The following EGFR variants were observed in gnomAD, a reference collection of about 807,000 sequenced individuals.
EGFR encodes the protein epidermal growth factor receptor.
A neutral mutation model predicts 143.0 loss-of-function variants in EGFR; 58 were observed. The observed-to-expected ratio is 0.41, with a 90% CI of 0.33 to 0.50. EGFR has a LOEUF of 0.50. Among genes scored for constraint, EGFR ranks in the 20% least tolerant of loss-of-function variants. The pLI is 0.39. For synonymous variants in EGFR, 613 were observed against 594.4 expected (o/e 1.03, Z -0.45); for missense variants, 1,307 against 1,579.0 (o/e 0.83, Z 2.92).
chr7:55,048,537 A>C (rs923904283), intron 1 of EGFR, among the ~76,000 whole-genome samples: 16 of 152,360 alleles, frequency 1.1e-4, no homozygotes, highest in African/African-American at 3.8e-4. Flanking sequence ...AGACTTTCAC[A>C]GTAGCCAATT....
intron 1 of EGFR, among the ~76,000 whole-genome samples, chr7:55,083,874 T>G (rs1202243351): frequency 1.3e-5 from 2 of 152,298 alleles, no homozygotes; most frequent in South Asian, 4.1e-4. Context: ...TTTAAATGAG[T>G]GCCTCAGGTT....
intron 1 of EGFR, among the ~76,000 whole-genome samples, chr7:55,084,289 G>A (rs181971714): frequency 3.3e-5 from 5 of 152,168 alleles, no homozygotes; most frequent in Admixed American, 3.3e-4. Flanking sequence ...TCTTGAGGCT[G>A]TAGGACTGAG....
At chr7:55,143,562 T>C in intron 3 of EGFR, 74 bp downstream of exon 3, 1 of 1,540,986 alleles carries the variant, frequency 6.5e-7, no homozygotes. Context: ...AGCGAGCTTG[T>C]CACTCAATTC....
intron 1 of EGFR, among the ~76,000 whole-genome samples, chr7:55,026,312 A>G (rs948633054): frequency 6.6e-6 from 1 of 152,166 alleles, no homozygotes; most frequent in African/African-American, 2.4e-5. Flanking sequence ...GTCACATTTT[A>G]TTTCACAAGT....
intron 15 of EGFR, chr7:55,168,461 G>A: frequency 9.9e-7 from 1 of 1,013,036 alleles, no homozygotes; most frequent in Non-Finnish European, 1.6e-6. Flanking sequence ...AGGGGATTTA[G>A]TCAAGATTTA....
intron 1 of EGFR, among the ~76,000 whole-genome samples, chr7:55,068,074 G>A (rs552855257): frequency 1.2e-3 from 46 of 39,994 alleles, no homozygotes; most frequent in African/African-American, 4.8e-3. Context: ...GTGTGCATAC[G>A]TGTGTGTGTG....
intron 1 of EGFR, among the ~76,000 whole-genome samples, chr7:55,057,645 C>T (rs977469963): frequency 6.6e-6 from 1 of 152,004 alleles, no homozygotes; most frequent in African/African-American, 2.4e-5. Flanking sequence ...CAGCCTCTTT[C>T]CTTGTTTTGG....
At chr7:55,113,266 C>T (rs1792624548) in intron 1 of EGFR, among the ~76,000 whole-genome samples, 1 of 152,226 alleles carries the variant, frequency 6.6e-6, no homozygotes, top group African/African-American at 2.4e-5. Flanking sequence ...CCAGCTCTGC[C>T]TCATGGTCGT....
At chr7:55,102,827 G>C (rs551584338) in intron 1 of EGFR, among the ~76,000 whole-genome samples, 1 of 152,148 alleles carries the variant, frequency 6.6e-6, no homozygotes, top group South Asian at 2.1e-4. Context: ...CTATGTAACT[G>C]TTGGTTGATA....
chr7:55,103,668 G>A (rs1304393469), intron 1 of EGFR, among the ~76,000 whole-genome samples: 1 of 152,224 alleles, frequency 6.6e-6, no homozygotes, highest in Admixed American at 6.5e-5. Context: ...GTGGGTGTTT[G>A]GATATTGGAT....
At chr7:55,122,526 G>A (rs1227710280) in intron 1 of EGFR, among the ~76,000 whole-genome samples, 4 of 152,242 alleles carry the variant, frequency 2.6e-5, no homozygotes, top group Non-Finnish European at 5.9e-5. Flanking sequence ...GCCCTTCTGA[G>A]CTCCGCTCAC....
intron 17 of EGFR, 101 bp from the exon 18 acceptor site, chr7:55,173,820 T>A (rs1786467284): frequency 1.3e-6 from 2 of 1,594,112 alleles, no homozygotes. Context: ...CCCAAGCCCA[T>A]GCCGTGGCTG....
intron 1 of EGFR, among the ~76,000 whole-genome samples, chr7:55,065,900 C>T (rs1182143384): frequency 2.8e-5 from 4 of 141,888 alleles, no homozygotes; most frequent in Non-Finnish European, 3.0e-5. Flanking sequence ...CTATTCTCTA[C>T]GGCTGCATTC....
rs952677320 is a variant in EGFR at position 55,200,344 on chromosome 7, A to T, written c.2877A>T (p.Pro959=). 2.2e-5 allele frequency: 36 copies of T among 1,614,052 alleles called. No homozygotes were observed. The highest frequency in any genetic ancestry group is 2.7e-5 in the Non-Finnish European group (32 of 1,180,040). ...GGATGATAGACGCAGATAGTCGCCC[A>T]AAGTTCCGTGAGTTGATCATCGAAT... is the stretch of plus-strand genomic sequence containing the variant. ...KCWMIDADSR[P]KFRELIIEFS... Residue 959 remains proline, a synonymous_variant, in exon 24 of 28, where the codon CCA becomes CCT. Transcript: ENST00000275493.
At chr7:55,124,713 A>G (rs1258430258) in intron 1 of EGFR, among the ~76,000 whole-genome samples, 1 of 152,164 alleles carries the variant, frequency 6.6e-6, no homozygotes, top group Non-Finnish European at 1.5e-5. Flanking sequence ...TAGCTGAAAG[A>G]CCAGACACTA....
intron 1 of EGFR, among the ~76,000 whole-genome samples, chr7:55,141,263 T>C (rs1794442904): frequency 6.6e-6 from 1 of 152,222 alleles, no homozygotes; most frequent in African/African-American, 2.4e-5. Context: ...CTCTCTTTTG[T>C]TATGCTTGCC....
At chr7:55,188,919 T>A (rs1787262643) in intron 20 of EGFR, 1 of 152,272 alleles carries the variant, frequency 6.6e-6, no homozygotes, top group East Asian at 1.9e-4. Flanking sequence ...AAGACCGGTG[T>A]TCTGAGGAAA....
At chr7:55,120,649 A>G (rs1463569321) in intron 1 of EGFR, among the ~76,000 whole-genome samples, 1 of 152,156 alleles carries the variant, frequency 6.6e-6, no homozygotes, top group Non-Finnish European at 1.5e-5. Context: ...CACAGCACAC[A>G]CAGGGCCTGG....
chr7:55,164,954 A>T (rs2128945689), intron 14 of EGFR, among the ~76,000 whole-genome samples: 1 of 152,352 alleles, frequency 6.6e-6, no homozygotes. Context: ...TCTGACCATA[A>T]ATACACATTT....
Sources: gnomAD v4.1 joint callset for allele counts (sites outside exome capture counted in the v4.1 genomes callset) on GRCh38, gnomAD v4.1.1 for gene constraint, MANE v1.5 for transcripts, NCBI Gene and HGNC (gene_info 2026-07-23, HGNC 2026-07-21) for gene names.